The following IL27RA variants were observed in gnomAD, a reference collection of about 807,000 sequenced individuals.
IL27RA encodes interleukin 27 receptor subunit alpha, also known as interleukin-27 receptor subunit alpha.
Under a neutral mutation model 80.8 loss-of-function variants are expected in IL27RA, and 61 were observed. The ratio of observed to expected loss-of-function variants is 0.76; its 90% CI spans 0.61 to 0.93. The LOEUF is 0.93. Ranked by LOEUF, IL27RA falls within the 40% of genes least tolerant of loss-of-function variation. The pLI is 0.00. For missense variants in IL27RA, 735 were observed against 808.1 expected, an observed-to-expected ratio of 0.91 and a Z score of 1.10; for synonymous variants, 316 against 332.5, an observed-to-expected ratio of 0.95 and a Z score of 0.54.
Position 14,032,376 on chromosome 19 carries a change from C to G in IL27RA, c.101-10C>G. 1 of 1,608,662 alleles carries G rather than the reference C, an allele frequency of 6.2e-7. No individual in the cohort carries two copies. Among genetic ancestry groups the G allele is most frequent in the African/African-American group, 1.3e-5 (1 of 74,896 alleles). On this transcript the variant is annotated splice_polypyrimidine_tract_variant and intron_variant, in intron 1 of 13. Transcript: ENST00000263379. The stretch of plus-strand genomic sequence containing the variant: ...CCCCCTTTCCTGAGACCCTCTGACT[C>G]CCTCTCCAGGCAGCGCCGGGCCACT...
rs1442728415 is a variant in IL27RA, at chr19:14,032,443, C to T, written c.158C>T (p.Ser53Leu). The T allele has an allele frequency of 1.9e-6, 3 of 1,613,706 alleles. No homozygotes were observed. The African/African-American group carries it at 4.0e-5, about 22-fold the overall frequency. Residue 53 changes from serine to leucine, a missense_variant, in exon 2 of 14, where the codon TCG becomes TTG. Transcript: ENST00000263379. ...GVGPLGDLNCSWEPLGDLGAP... is the reference protein window; with the variant it reads ...GVGPLGDLNCLWEPLGDLGAP... ...GGACCCTTGGGCGACTTGAACTGCTCGTGGGAGCCTCTTGGGGACCTGGGA... is the reference window on the plus strand; with the variant it reads ...GGACCCTTGGGCGACTTGAACTGCTTGTGGGAGCCTCTTGGGGACCTGGGA...
intron 2 of IL27RA, among the ~76,000 whole-genome samples, chr19:14,036,360 TAGG>T (rs1410735748): frequency 6.6e-6 from 1 of 152,072 alleles, no homozygotes; most frequent in South Asian, 2.1e-4. Context: ...ACTCTGCCTC[TAGG>T]AGGAGTTCAG....
At chr19:14,050,511 C>CA (rs34034204) in intron 10 of IL27RA, among the ~76,000 whole-genome samples, 17,636 of 99,596 alleles carry the variant, frequency 0.18, 1,431 homozygotes, top group Admixed American at 0.23. Flanking sequence ...GACTTCATGT[C>CA]AAAAAAAAAA....
chr19:14,039,986 GC>G, intron 4 of IL27RA, 76 bp downstream of exon 4: 2 of 1,437,268 alleles, frequency 1.4e-6, no homozygotes, highest in Non-Finnish European at 9.6e-7. Flanking sequence ...CTGAGACCCA[GC>G]CCAGGACTCA....
At chr19:14,050,722 G>T in intron 10 of IL27RA, 36 bp from the exon 11 acceptor site, 2 of 1,591,670 alleles carry the variant, frequency 1.3e-6, no homozygotes, top group South Asian at 2.2e-5. Flanking sequence ...TGGTAGGCTT[G>T]ACCACCTCCC....
At position 14,046,549 on chromosome 19, in the gene IL27RA, G is replaced by C; in HGVS notation, c.1072G>C (p.Asp358His). 6.2e-7 allele frequency: 1 copy of C among 1,614,050 alleles called. No individual in the cohort carries two copies. The highest frequency in any genetic ancestry group is 8.5e-7 in the Non-Finnish European group (1 of 1,179,976). Reference sequence around the variant, plus strand: ...GGAGCATGTAGTGGACTGGGCTCGAGATGGGGACCCCCTGGAGAAACTCAA... The same window carrying C: ...GGAGCATGTAGTGGACTGGGCTCGACATGGGGACCCCCTGGAGAAACTCAA... ...PLEHVVDWAR[D>H]GDPLEKLNWV... Residue 358 changes from aspartate (D) to histidine (H), a missense_variant, in exon 8 of 14, where the codon GAT becomes CAT. Physicochemically the swap from Asp to His is moderately conservative, Grantham distance 81. Transcript: ENST00000263379.
rs777345865 is a variant in IL27RA, at chr19:14,042,713, C to G, written c.695-3C>G. 21 of 1,614,074 alleles carry G rather than the reference C, an allele frequency of 1.3e-5. No homozygotes were observed. The highest frequency in any genetic ancestry group is 1.8e-5 in the Non-Finnish European group (21 of 1,180,040). On this transcript the variant is annotated splice_polypyrimidine_tract_variant and splice_region_variant and intron_variant, in intron 5 of 13. Coordinates refer to ENST00000263379, the MANE Select transcript of IL27RA (RefSeq NM_004843.4). ...TTGTTCCCCGTTTCCTCATCCTTGCCAGCTCCAAAAGATGTGTGGGTATCA... is the reference window on the plus strand; with the variant it reads ...TTGTTCCCCGTTTCCTCATCCTTGCGAGCTCCAAAAGATGTGTGGGTATCA...
In IL27RA at chr19:14,039,927, T is replaced by C; in HGVS notation, c.534+17T>C. 1.2e-6 allele frequency: 2 copies of C among 1,610,404 alleles called. No homozygotes were observed. The highest frequency in any genetic ancestry group is 1.7e-6 in the Non-Finnish European group (2 of 1,177,502). ...TGGACCCTGGTGAGTGCTGGGGTCC[T>C]TTTCTCCCCACCCTATTCCGGGCGG... On this transcript the variant is annotated intron_variant, in intron 4 of 13. Coordinates refer to ENST00000263379, the MANE Select transcript of IL27RA (RefSeq NM_004843.4).
In IL27RA at chr19:14,043,881, C is replaced by G. The variant is rs374122168; in HGVS notation, c.768+1092C>G. On this transcript the variant is annotated intron_variant, in intron 6 of 13. Transcript: ENST00000263379. ...TGGCCAACATGGTGAAACCCCATCT[C>G]TACTAAAAATACAAAAATTAGCTGG... is the stretch of plus-strand genomic sequence containing the variant. Among the ~76,000 whole-genome samples the G allele has an allele frequency of 9.0e-4, 135 of 150,756 alleles. 1 individual carries two copies. In the East Asian group the frequency reaches 0.019, roughly 21 times the overall value.
intron 2 of IL27RA, among the ~76,000 whole-genome samples, chr19:14,033,212 T>G (rs918316492): frequency 2.0e-5 from 3 of 148,820 alleles, no homozygotes; most frequent in African/African-American, 7.5e-5. Context: ...TTCTCCTGCC[T>G]CAGCCTCCAG....
At chr19:14,050,371 G>A (rs1036273068) in intron 10 of IL27RA, among the ~76,000 whole-genome samples, 1 of 151,774 alleles carries the variant, frequency 6.6e-6, no homozygotes, top group Non-Finnish European at 1.5e-5. Flanking sequence ...ATGTGGTGGC[G>A]GGCACCTGTA....
intron 2 of IL27RA, among the ~76,000 whole-genome samples, chr19:14,035,601 G>A (rs1458010019): frequency 6.6e-6 from 1 of 150,422 alleles, no homozygotes; most frequent in Non-Finnish European, 1.5e-5. Context: ...CTCCATGTTG[G>A]TCTGGCTGGT....
Position 14,049,033 on chromosome 19 carries a change from T to C in IL27RA, c.1194T>C (p.Ala398=). The stretch of plus-strand genomic sequence containing the variant: ...GAATCACTGTGACCGCAGTCTCTGC[T>C]TCAGGCTTGGCCTCTGCATCCTCCG... The part of the protein sequence containing the change: ...PYRITVTAVS[A]SGLASASSVW... Residue 398 remains alanine, a synonymous_variant, in exon 9 of 14, where the codon GCT becomes GCC. Transcript: ENST00000263379. 1 of 1,614,042 alleles carries C rather than the reference T, an allele frequency of 6.2e-7. No homozygotes were observed. The highest frequency in any genetic ancestry group is 8.5e-7 in the Non-Finnish European group (1 of 1,179,962).
intron 10 of IL27RA, among the ~76,000 whole-genome samples, chr19:14,049,699 A>G (rs1385697592): frequency 1.3e-5 from 2 of 150,372 alleles, no homozygotes; most frequent in Admixed American, 6.7e-5. Flanking sequence ...CTCCTGCCTC[A>G]GCCTCCTGAG....
In IL27RA at chr19:14,039,919, TG is replaced by T. The variant is rs1975966095; in HGVS notation, c.534+13del. The T allele has an allele frequency of 6.2e-7, 1 of 1,613,000 alleles. No homozygotes were observed. Among genetic ancestry groups the T allele is most frequent in the Non-Finnish European group, 8.5e-7 (1 of 1,179,414 alleles). ...AGGCGGCCTGGACCCTGGTGAGTGC[TG>T]GGGTCCTTTTCTCCCCACCCTATTC... On this transcript the variant is annotated intron_variant, in intron 4 of 13. Coordinates refer to ENST00000263379, the MANE Select transcript of IL27RA (RefSeq NM_004843.4).
Position 14,052,440 on chromosome 19 carries a change from G to A in IL27RA, c.*150G>A. 1 of 617,170 alleles carries A rather than the reference G, an allele frequency of 1.6e-6. No homozygotes were observed. The allele number at this position is 617,170 out of a possible 1,614,324, so 38.2% of individuals were successfully genotyped here. ...ACCTGAGGACACCCAGCCAGGCAGA[G>A]CTGGGATTGAAGGACCCCTATAGAG... On this transcript the variant is annotated 3_prime_UTR_variant, in exon 14 of 14. Transcript: ENST00000263379.
At chr19:14,044,516 G>A (rs58183008) in intron 6 of IL27RA, among the ~76,000 whole-genome samples, 45,685 of 151,708 alleles carry the variant, frequency 0.3, 8,287 homozygotes, top group African/African-American at 0.5. Context: ...TGGGATTACA[G>A]GTGTGAGCCA....
chr19:14,048,148 G>C (rs1443021209), intron 8 of IL27RA, among the ~76,000 whole-genome samples: 1 of 150,392 alleles, frequency 6.6e-6, no homozygotes, highest in African/African-American at 2.5e-5. Flanking sequence ...TGTAGAGGTG[G>C]GGTTTCTCCA....
intron 12 of IL27RA, 74 bp downstream of exon 12, chr19:14,051,774 G>T (rs1002364497): frequency 7.0e-7 from 1 of 1,431,764 alleles, no homozygotes; most frequent in Non-Finnish European, 9.8e-7. Context: ...CTTCCAGGGG[G>T]CTTGAAGGGA....
Sources: gnomAD v4.1 joint callset for allele counts (sites outside exome capture counted in the v4.1 genomes callset) on GRCh38, gnomAD v4.1.1 for gene constraint, MANE v1.5 for transcripts, NCBI Gene and HGNC (gene_info 2026-07-23, HGNC 2026-07-21) for gene names.